Variants in CTNNA3 observed in about 807,000 individuals in gnomAD.
CTNNA3 encodes the protein catenin alpha-3.
A neutral mutation model predicts 95.7 loss-of-function variants in CTNNA3; 76 were observed. The ratio of observed to expected loss-of-function variants is 0.79; its 90% confidence interval spans 0.66 to 0.96. The LOEUF is 0.96. CTNNA3 is among the 40% of genes least tolerant of loss of function. The pLI is 0.00. For missense variants in CTNNA3, 1,191 were observed against 1,089.8 expected, an observed-to-expected ratio of 1.09 and a Z score of -1.31; for synonymous variants, 431 against 374.4, an observed-to-expected ratio of 1.15 and a Z score of -1.74.
At chr10:66,068,852 TAA>T (rs1354617659) in intron 15 of CTNNA3, among the ~76,000 whole-genome samples, 2 of 152,328 alleles carry the variant, frequency 1.3e-5, no homozygotes, top group Non-Finnish European at 2.9e-5. Flanking sequence ...TGGCTATCAT[TAA>T]GTGATTATAA....
At chr10:66,817,053 T>A (rs1345485947) in intron 7 of CTNNA3, among the ~76,000 whole-genome samples, 1 of 151,988 alleles carries the variant, frequency 6.6e-6, no homozygotes, top group African/African-American at 2.4e-5. Flanking sequence ...TAACTGTAAA[T>A]GCTTATGTTA....
At position 67,757,408 on chromosome 10, in the gene CTNNA3, T is replaced by C. The variant is rs145481771; in HGVS notation, c.-2+6026A>G. Among the ~76,000 whole-genome samples, 452 of 152,270 alleles carry C rather than the reference T, an allele frequency of 3.0e-3. 4 individuals carry two copies. Among genetic ancestry groups the C allele is most frequent in the African/African-American group, 0.01 (428 of 41,546 alleles). ...GGATGCAAAGTATTGTTCCTGGGTG[T>C]GTCTGTGAGGGTGATGTCAAAGGAG... On this transcript the variant is annotated intron_variant, in intron 1 of 17. Coordinates refer to the CTNNA3 transcript ENST00000684154.
chr10:67,173,647 C>T lies in CTNNA3; in HGVS notation c.1047+6670G>A, dbSNP rs546497900. On this transcript the variant is annotated intron_variant, in intron 7 of 17. Coordinates refer to ENST00000433211, the MANE Select transcript of CTNNA3 (RefSeq NM_013266.4). ...CCTAGGAACTCTACTAGGCTCAGGACCCTTATATTTCGTCCAAGTTAGAAC... is the reference window on the plus strand; with the variant it reads ...CCTAGGAACTCTACTAGGCTCAGGATCCTTATATTTCGTCCAAGTTAGAAC... 2.0e-5 allele frequency among the ~76,000 whole-genome samples: 3 copies of T among 152,260 alleles called. No homozygotes were observed. In the South Asian group the frequency reaches 6.2e-4, roughly 31 times the overall value.
chr10:67,727,884 C>CAT (rs1841249310), intron 1 of CTNNA3, among the ~76,000 whole-genome samples: 3 of 105,124 alleles, frequency 2.9e-5, no homozygotes, highest in African/African-American at 9.4e-5. Flanking sequence ...GTATATATCA[C>CAT]ATATTATATT....
intron 9 of CTNNA3, among the ~76,000 whole-genome samples, chr10:66,699,901 C>G (rs1360916346): frequency 6.6e-6 from 1 of 152,110 alleles, no homozygotes; most frequent in Non-Finnish European, 1.5e-5. Flanking sequence ...AGGTGATCTG[C>G]CTGCCTTGGC....
intron 3 of CTNNA3, among the ~76,000 whole-genome samples, chr10:67,598,344 TATGCCTATTTAACTC>T (rs1208421001): frequency 6.6e-6 from 1 of 152,146 alleles, no homozygotes; most frequent in African/African-American, 2.4e-5. Flanking sequence ...CAGGCCACTC[TATGCCTATTTAACTC>T]ATCCCTTCCC....
intron 11 of CTNNA3, 150 bp from the exon 12 acceptor site, chr10:66,379,502 A>G: frequency 1.4e-6 from 1 of 690,142 alleles, no homozygotes; most frequent in Non-Finnish European, 2.4e-6. Flanking sequence ...AATTGGAGAC[A>G]TATTTTGCTT....
At chr10:66,939,848 C>T (rs1398610143) in intron 7 of CTNNA3, among the ~76,000 whole-genome samples, 9 of 152,036 alleles carry the variant, frequency 5.9e-5, no homozygotes, top group Admixed American at 5.9e-4. Flanking sequence ...TTTGAAATTC[C>T]AAACTAATTT....
At chr10:66,767,181 C>T (rs1001221027) in intron 8 of CTNNA3, among the ~76,000 whole-genome samples, 8 of 151,928 alleles carry the variant, frequency 5.3e-5, no homozygotes, top group Non-Finnish European at 8.8e-5. Flanking sequence ...GGCACAGTGG[C>T]TCATGCCTGT....
intron 11 of CTNNA3, among the ~76,000 whole-genome samples, chr10:66,415,053 AC>A (rs999660177): frequency 1.3e-5 from 2 of 151,998 alleles, no homozygotes; most frequent in Non-Finnish European, 2.9e-5. Flanking sequence ...AGCTGGTACC[AC>A]CCTCAACCCC....
At chr10:67,638,686 G>C (rs1011267770) in intron 2 of CTNNA3, among the ~76,000 whole-genome samples, 2 of 152,126 alleles carry the variant, frequency 1.3e-5, no homozygotes, top group African/African-American at 4.8e-5. Flanking sequence ...AATCAAACTA[G>C]AACTCAGGAT....
At chr10:66,184,171 C>T (rs938274198) in intron 13 of CTNNA3, among the ~76,000 whole-genome samples, 3 of 151,920 alleles carry the variant, frequency 2.0e-5, no homozygotes, top group African/African-American at 2.4e-5. Flanking sequence ...CGGGGGTGGG[C>T]GCCTGTAATC....
At chr10:66,497,377 T>C (rs1451588007) in intron 11 of CTNNA3, among the ~76,000 whole-genome samples, 4 of 151,782 alleles carry the variant, frequency 2.6e-5, no homozygotes, top group Admixed American at 6.6e-5. Flanking sequence ...TCAACCTATA[T>C]AAAACATAGA....
intron 13 of CTNNA3, among the ~76,000 whole-genome samples, chr10:66,154,639 A>G (rs1427934438): frequency 6.7e-6 from 1 of 148,396 alleles, no homozygotes; most frequent in Non-Finnish European, 1.5e-5. Flanking sequence ...AAGGCAAGTG[A>G]TAGTATATTT....
At chr10:66,607,472 C>CAAAAAAAAAAAAAAAAAAAAAAAAACA (rs574854850) in intron 10 of CTNNA3, among the ~76,000 whole-genome samples, 1 of 45,274 alleles carries the variant, frequency 2.2e-5, no homozygotes, top group Admixed American at 3.3e-4. Flanking sequence ...CAGAGACAAC[C>CAAAAAAAAAAAAAAAAAAAAAAAAACA]AAAAAAAAAA....
intron 7 of CTNNA3, among the ~76,000 whole-genome samples, chr10:67,003,742 C>G (rs1851811126): frequency 6.6e-6 from 1 of 152,090 alleles, no homozygotes; most frequent in Non-Finnish European, 1.5e-5. Context: ...CCTCTAGAGA[C>G]TAGTTAGATT....
intron 10 of CTNNA3, among the ~76,000 whole-genome samples, chr10:66,581,916 C>A (rs953259880): frequency 1.3e-5 from 2 of 151,684 alleles, no homozygotes; most frequent in Non-Finnish European, 3.0e-5. Context: ...AATGTCCTTT[C>A]CCCGATTTAT....
intron 7 of CTNNA3, among the ~76,000 whole-genome samples, chr10:66,877,882 G>A (rs1281841382): frequency 6.6e-6 from 1 of 152,094 alleles, no homozygotes; most frequent in African/African-American, 2.4e-5. Context: ...CAGATTTATA[G>A]AGATTTATAA....
chr10:67,337,890 G>T (rs1222328825), intron 5 of CTNNA3, among the ~76,000 whole-genome samples: 1 of 152,288 alleles, frequency 6.6e-6, no homozygotes, highest in African/African-American at 2.4e-5. Flanking sequence ...CTACAGTATA[G>T]TATAAACATA....
Sources: allele counts gnomAD v4.1 joint callset (sites outside exome capture counted in the v4.1 genomes callset), GRCh38; gene constraint gnomAD v4.1.1; transcripts MANE v1.5; gene names NCBI Gene and HGNC (gene_info 2026-07-23, HGNC 2026-07-21).